The following OXCT1 variants were observed in gnomAD, a reference collection of about 807,000 sequenced individuals.
OXCT1 encodes the protein 3-oxoacid CoA-transferase 1, also known as succinyl-CoA:3-ketoacid coenzyme A transferase 1, mitochondrial.
Under a neutral mutation model 69.6 loss-of-function variants are expected in OXCT1, and 27 were observed. The observed-to-expected ratio is 0.39, with a 90% CI of 0.29 to 0.54. The LOEUF (loss-of-function observed/expected upper bound fraction) is 0.54. OXCT1 is among the 20% of genes least tolerant of loss of function. The pLI is 0.72. For missense variants in OXCT1, 437 were observed against 650.2 expected, an observed-to-expected ratio of 0.67 and a Z score of 3.57; for synonymous variants, 202 against 217.8, an observed-to-expected ratio of 0.93 and a Z score of 0.64.
intron 5 of OXCT1, chr5:41,843,681 A>C (rs1255672687): frequency 4.5e-6 from 2 of 442,636 alleles, no homozygotes; most frequent in African/African-American, 2.0e-5. Context: ...GTAGAACTCC[A>C]TTCTCATCCC....
chr5:41,739,533 A>C, intron 15 of OXCT1, 42 bp from the exon 16 acceptor site: 12 of 1,386,586 alleles, frequency 8.7e-6, no homozygotes, highest in Non-Finnish European at 1.2e-5. Flanking sequence ...AATTTCCATC[A>C]AAATAATTAT....
chr5:41,844,916 C>T (rs1364334064), intron 5 of OXCT1, among the ~76,000 whole-genome samples: 2 of 150,534 alleles, frequency 1.3e-5, no homozygotes, highest in African/African-American at 2.5e-5. Flanking sequence ...AACCCTCTCT[C>T]GCTGCTTCTG....
chr5:41,821,377 A>G (rs1747539195), intron 7 of OXCT1, among the ~76,000 whole-genome samples: 2 of 152,264 alleles, frequency 1.3e-5, no homozygotes, highest in Non-Finnish European at 2.9e-5. Context: ...GAATCAGAGC[A>G]TGAACAAGTC....
rs1748843022 is a variant in OXCT1, at chr5:41,845,291, C to T, written c.565-2510G>A. On this transcript the variant is annotated intron_variant, in intron 5 of 16. Transcript: ENST00000196371. Reference sequence around the variant, plus strand: ...TTATTCAGGTCTCTACCAAGTGTCACCTCCCCAAAGAAGCTCTCCCTGGCC... The same window carrying T: ...TTATTCAGGTCTCTACCAAGTGTCATCTCCCCAAAGAAGCTCTCCCTGGCC... Among the ~76,000 whole-genome samples the T allele has an allele frequency of 2.0e-5, 3 of 152,190 alleles. No homozygotes were observed. In the South Asian group the frequency reaches 6.2e-4, roughly 31 times the overall value.
chr5:41,734,376 A>G (rs1378290513), intron 16 of OXCT1, among the ~76,000 whole-genome samples: 5 of 152,232 alleles, frequency 3.3e-5, no homozygotes, highest in Admixed American at 3.3e-4. Flanking sequence ...TGGTTTATAA[A>G]AACACCTATT....
intron 7 of OXCT1, among the ~76,000 whole-genome samples, chr5:41,824,276 A>G (rs938681732): frequency 6.6e-6 from 1 of 152,218 alleles, no homozygotes; most frequent in African/African-American, 2.4e-5. Context: ...ATGTAAGTGC[A>G]TGGTATAAAC....
intron 13 of OXCT1, among the ~76,000 whole-genome samples, chr5:41,766,192 C>T (rs2112117560): frequency 6.6e-6 from 1 of 152,252 alleles, no homozygotes; most frequent in East Asian, 1.9e-4. Flanking sequence ...ATAGCCAACT[C>T]ATCTTTTTGC....
chr5:41,811,664 G>A (rs1320251410), intron 7 of OXCT1, among the ~76,000 whole-genome samples: 1 of 152,008 alleles, frequency 6.6e-6, no homozygotes, highest in Non-Finnish European at 1.5e-5. Context: ...GGTCTTAGAT[G>A]TCTATAAGGA....
At chr5:41,810,524 C>T (rs1047780873) in intron 7 of OXCT1, among the ~76,000 whole-genome samples, 2 of 152,006 alleles carry the variant, frequency 1.3e-5, no homozygotes, top group African/African-American at 4.8e-5. Flanking sequence ...GAAATCCAGA[C>T]GTTTGAGGCT....
chr5:41,809,279 T>C (rs1375133623), intron 7 of OXCT1, among the ~76,000 whole-genome samples: 2 of 151,964 alleles, frequency 1.3e-5, no homozygotes, highest in Non-Finnish European at 2.9e-5. Context: ...TAATCAAAAC[T>C]GAAACCCACA....
intron 6 of OXCT1, among the ~76,000 whole-genome samples, chr5:41,840,832 T>A (rs1273175013): frequency 3.3e-5 from 5 of 152,224 alleles, no homozygotes; most frequent in Non-Finnish European, 7.3e-5. Context: ...TAATTTCCCT[T>A]AATCTTTTAA....
rs1747758814 is a variant in OXCT1 at position 41,825,452 on chromosome 5, T to TAA, written c.732+14997_732+14998dup. ...TAGTCTTAGGAACTGTTAACTGTTT[T>TAA]AAAATATTCCATCCAAAAACAAAAA... On this transcript the variant is annotated intron_variant, in intron 7 of 16. Transcript: ENST00000196371. Among the ~76,000 whole-genome samples, 3 of 152,322 alleles carry TAA rather than the reference T, an allele frequency of 2.0e-5. No individual in the cohort carries two copies. In the South Asian group the frequency reaches 6.2e-4, roughly 32 times the overall value.
chr5:41,818,185 G>GA (rs1747341467), intron 7 of OXCT1, among the ~76,000 whole-genome samples: 2 of 152,304 alleles, frequency 1.3e-5, no homozygotes, highest in East Asian at 3.9e-4. Context: ...GTTTCATGGA[G>GA]AAGACAGGTA....
At chr5:41,747,466 G>A (rs1743555065) in intron 15 of OXCT1, among the ~76,000 whole-genome samples, 1 of 152,082 alleles carries the variant, frequency 6.6e-6, no homozygotes, top group Non-Finnish European at 1.5e-5. Flanking sequence ...ATAAACAATG[G>A]TGAGCCAGAC....
At chr5:41,805,849 A>G (rs2112274085) in intron 8 of OXCT1, among the ~76,000 whole-genome samples, 168 bp from the exon 9 acceptor site, 1 of 152,242 alleles carries the variant, frequency 6.6e-6, no homozygotes, top group Non-Finnish European at 1.5e-5. Flanking sequence ...ATTTGATGGT[A>G]GAAATAATTC....
At chr5:41,829,050 C>A (rs557348515) in intron 7 of OXCT1, among the ~76,000 whole-genome samples, 1 of 152,174 alleles carries the variant, frequency 6.6e-6, no homozygotes, top group East Asian at 1.9e-4. Flanking sequence ...ATGAATCAGC[C>A]TCTCTTTAAT....
At chr5:41,810,254 G>A (rs1746902371) in intron 7 of OXCT1, among the ~76,000 whole-genome samples, 1 of 152,032 alleles carries the variant, frequency 6.6e-6, no homozygotes, top group African/African-American at 2.4e-5. Context: ...AAAACCTGAT[G>A]AGAAAATGAT....
chr5:41,805,512 A>G, intron 9 of OXCT1, 55 bp downstream of exon 9: 1 of 1,167,630 alleles, frequency 8.6e-7, no homozygotes, highest in Non-Finnish European at 1.3e-6. Context: ...AGCCTGATCA[A>G]TATGGGAAAA....
At position 41,814,411 on chromosome 5, in the gene OXCT1, T is replaced by C. The variant is rs1747130220; in HGVS notation, c.733-6973A>G. Reference sequence around the variant, plus strand: ...AAATATTCCAAACACCATGCTGCTATAGACACGTGCACATGTATGTTTATT... The same window carrying C: ...AAATATTCCAAACACCATGCTGCTACAGACACGTGCACATGTATGTTTATT... On this transcript the variant is annotated intron_variant, in intron 7 of 16. Transcript: ENST00000196371. 2.6e-5 allele frequency among the ~76,000 whole-genome samples: 4 copies of C among 152,008 alleles called. 1 individual carries two copies. In the South Asian group the frequency reaches 8.3e-4, roughly 31 times the overall value.
Sources: gnomAD v4.1 joint callset for allele counts (sites outside exome capture counted in the v4.1 genomes callset) on GRCh38, gnomAD v4.1.1 for gene constraint, MANE v1.5 for transcripts, NCBI Gene and HGNC (gene_info 2026-07-23, HGNC 2026-07-21) for gene names.